Variants in LRRC4C observed in about 807,000 individuals in gnomAD.
LRRC4C encodes leucine rich repeat containing 4C, also known as leucine-rich repeat-containing protein 4C.
A neutral mutation model predicts 33.6 loss-of-function variants in LRRC4C; 5 were observed. The ratio of observed to expected loss-of-function variants is 0.15; its 90% CI spans 0.08 to 0.31. The LOEUF (loss-of-function observed/expected upper bound fraction) is 0.31. LRRC4C is among the 10% of genes least tolerant of loss of function. The pLI is 1.00. For missense variants in LRRC4C, 560 were observed against 796.7 expected (o/e 0.70, Z 3.58); for synonymous variants, 329 against 302.0 (o/e 1.09, Z -0.93).
At chr11:41,220,569 C>A (rs1174611043) in intron 1 of LRRC4C, among the ~76,000 whole-genome samples, 1 of 147,538 alleles carries the variant, frequency 6.8e-6, no homozygotes, top group African/African-American at 2.5e-5. Context: ...CACAATTCTA[C>A]ACGTCTGAAA....
chr11:40,715,548 T>C lies in LRRC4C; in HGVS notation c.-406-67270A>G, dbSNP rs118177534. ...TGTAGAACTTGTATTCCTAAGTCCA[T>C]ATCCTAGAAAATCCTTGTGCATGCT... On this transcript the variant is annotated intron_variant, in intron 2 of 6. Coordinates refer to ENST00000528697, the MANE Select transcript of LRRC4C (RefSeq NM_001258419.2). 2.5e-3 allele frequency among the ~76,000 whole-genome samples: 384 copies of C among 152,298 alleles called. 4 individuals carry two copies. The highest frequency in any genetic ancestry group is 0.017 in the East Asian group (88 of 5,174).
chr11:41,023,641 T>G (rs531462658), intron 1 of LRRC4C, among the ~76,000 whole-genome samples: 1 of 151,730 alleles, frequency 6.6e-6, no homozygotes, highest in African/African-American at 2.4e-5. Context: ...TATATTAAAA[T>G]TATGTTTGCA....
At chr11:40,340,300 TGTACA>T (rs1469219933) in intron 3 of LRRC4C, among the ~76,000 whole-genome samples, 1 of 152,164 alleles carries the variant, frequency 6.6e-6, no homozygotes, top group Non-Finnish European at 1.5e-5. Context: ...CAACAGGCCA[TGTACA>T]GTTCAAATAT....
chr11:40,665,308 TAAAAAAAAAAA>T (rs55827045), intron 2 of LRRC4C, among the ~76,000 whole-genome samples: 24 of 43,394 alleles, frequency 5.5e-4, no homozygotes, highest in Middle Eastern at 0.017. Flanking sequence ...ATTGCTTTCT[TAAAAAAAAAAA>T]AAAAAAATAT....
intron 3 of LRRC4C, among the ~76,000 whole-genome samples, chr11:40,508,959 G>A (rs1215765700): frequency 6.6e-6 from 1 of 152,116 alleles, no homozygotes; most frequent in Non-Finnish European, 1.5e-5. Context: ...AGAAACTTGA[G>A]AAATGAAGTG....
intron 3 of LRRC4C, among the ~76,000 whole-genome samples, chr11:40,411,866 G>A (rs931966710): frequency 6.6e-6 from 1 of 151,990 alleles, no homozygotes; most frequent in African/African-American, 2.4e-5. Flanking sequence ...TTTACTGTGT[G>A]ATAAGCCTTT....
intron 2 of LRRC4C, among the ~76,000 whole-genome samples, chr11:40,855,493 T>C (rs1953736595): frequency 6.6e-6 from 1 of 152,214 alleles, no homozygotes; most frequent in Admixed American, 6.5e-5. Flanking sequence ...TACTATGTTT[T>C]GTCTTACTTG....
chr11:41,166,076 T>C (rs1944713220), intron 1 of LRRC4C, among the ~76,000 whole-genome samples: 1 of 151,798 alleles, frequency 6.6e-6, no homozygotes, highest in South Asian at 2.1e-4. Context: ...TGTCCAGTTC[T>C]AGCTTTCTCA....
At chr11:41,217,006 A>C (rs1947091799) in intron 1 of LRRC4C, among the ~76,000 whole-genome samples, 1 of 152,198 alleles carries the variant, frequency 6.6e-6, no homozygotes, top group African/African-American at 2.4e-5. Context: ...CATGAGTGGA[A>C]GAATACAAAT....
At chr11:41,332,634 T>A (rs1159788808) in intron 1 of LRRC4C, among the ~76,000 whole-genome samples, 1 of 152,252 alleles carries the variant, frequency 6.6e-6, no homozygotes, top group Non-Finnish European at 1.5e-5. Context: ...AAAAGTCTAT[T>A]AATAATTATA....
chr11:40,931,048 G>A (rs923825929), intron 2 of LRRC4C, among the ~76,000 whole-genome samples: 7 of 152,154 alleles, frequency 4.6e-5, no homozygotes, highest in Non-Finnish European at 1.0e-4. Flanking sequence ...AAATGCAGCT[G>A]TAGGTAATTA....
intron 4 of LRRC4C, among the ~76,000 whole-genome samples, chr11:40,317,593 T>A (rs1194034064): frequency 2.6e-5 from 4 of 152,140 alleles, no homozygotes; most frequent in Non-Finnish European, 5.9e-5. Context: ...CCCTTCTATG[T>A]GTTTCATCAA....
chr11:41,373,942 G>T (rs1952847207), intron 1 of LRRC4C, among the ~76,000 whole-genome samples: 1 of 152,132 alleles, frequency 6.6e-6, no homozygotes, highest in African/African-American at 2.4e-5. Flanking sequence ...AAAAAATAAA[G>T]TTGGCATGTA....
chr11:41,447,491 G>A (rs1045534515), intron 1 of LRRC4C, among the ~76,000 whole-genome samples: 3 of 152,132 alleles, frequency 2.0e-5, no homozygotes, highest in African/African-American at 7.2e-5. Context: ...GAATCCCATG[G>A]AAGTTGGTGG....
chr11:40,398,840 C>T (rs114953429), intron 3 of LRRC4C, among the ~76,000 whole-genome samples: 21 of 152,152 alleles, frequency 1.4e-4, no homozygotes, highest in East Asian at 3.9e-4. Flanking sequence ...GCCATCTTAA[C>T]GAATAAGCAA....
intron 4 of LRRC4C, among the ~76,000 whole-genome samples, chr11:40,275,075 A>G (rs1943001908): frequency 6.6e-6 from 1 of 152,178 alleles, no homozygotes; most frequent in African/African-American, 2.4e-5. Flanking sequence ...TAGAATTTAA[A>G]AAATACCTTC....
At position 40,622,954 on chromosome 11, in the gene LRRC4C, C is replaced by T. The variant is rs542213174; in HGVS notation, c.-270+25188G>A. ...AAACTAACATTAAAATGTATCTACA[C>T]ATCCATGATTTATTATTATTTTTAT... On this transcript the variant is annotated intron_variant, in intron 3 of 6. Coordinates refer to ENST00000528697, the MANE Select transcript of LRRC4C (RefSeq NM_001258419.2). 3.6e-4 allele frequency among the ~76,000 whole-genome samples: 55 copies of T among 151,972 alleles called. 1 individual carries two copies. The highest frequency in any genetic ancestry group is 7.2e-4 in the Admixed American group (11 of 15,252).
intron 1 of LRRC4C, among the ~76,000 whole-genome samples, chr11:41,209,127 T>A (rs1946718270): frequency 6.6e-6 from 1 of 151,050 alleles, no homozygotes; most frequent in Admixed American, 6.6e-5. Context: ...GTGATGATAA[T>A]CTGTACACTA....
chr11:41,325,035 C>A (rs1220814459), intron 1 of LRRC4C, among the ~76,000 whole-genome samples: 3 of 152,128 alleles, frequency 2.0e-5, no homozygotes, highest in Admixed American at 1.3e-4. Flanking sequence ...AAAACCATAA[C>A]ACAGTATGTT....
Sources: gnomAD v4.1 joint callset for allele counts (sites outside exome capture counted in the v4.1 genomes callset) on GRCh38, gnomAD v4.1.1 for gene constraint, MANE v1.5 for transcripts, NCBI Gene and HGNC (gene_info 2026-07-23, HGNC 2026-07-21) for gene names.